The following MTA3 variants were observed in gnomAD, a reference collection of about 807,000 sequenced individuals.
MTA3 encodes metastasis-associated protein MTA3.
In MTA3, 34 loss-of-function variants were observed where a neutral mutation model predicts 83.5. The observed-to-expected ratio is 0.41, with a 90% CI of 0.31 to 0.54. The LOEUF is 0.54. Among genes scored for constraint, MTA3 ranks in the 20% least tolerant of loss-of-function variants. The pLI, the probability that MTA3 is intolerant of heterozygous loss-of-function variation, is 0.33. For synonymous variants in MTA3, 303 were observed against 252.7 expected, an observed-to-expected ratio of 1.20 and a Z score of -1.89; for missense variants, 761 against 726.4, an observed-to-expected ratio of 1.05 and a Z score of -0.55.
At chr2:42,669,365 G>A (rs1450315267) in intron 8 of MTA3, among the ~76,000 whole-genome samples, 1 of 152,052 alleles carries the variant, frequency 6.6e-6, no homozygotes, top group Admixed American at 6.6e-5. Flanking sequence ...GATTACAAGC[G>A]TGAGCCACTG....
chr2:42,552,341 A>T (rs1018514622), intron 2 of MTA3, among the ~76,000 whole-genome samples: 8 of 152,220 alleles, frequency 5.3e-5, no homozygotes, highest in African/African-American at 1.9e-4. Flanking sequence ...GCCCTTTCTT[A>T]GATAAATTAA....
chr2:42,532,048 G>A (rs542947499), intron 2 of MTA3, among the ~76,000 whole-genome samples: 25 of 152,284 alleles, frequency 1.6e-4, no homozygotes, highest in Non-Finnish European at 1.8e-4. Context: ...GAGCCACCAC[G>A]CCCGACCAAA....
At chr2:42,649,994 A>G (rs755118236) in intron 6 of MTA3, among the ~76,000 whole-genome samples, 7 of 151,830 alleles carry the variant, frequency 4.6e-5, no homozygotes, top group African/African-American at 1.7e-4. Context: ...CTGGTTACCA[A>G]CTCTCCTAGG....
At position 42,701,781 on chromosome 2, in the gene MTA3, T is replaced by TG. The variant is rs560917652; in HGVS notation, c.1026-2411dup. 1.9e-3 allele frequency among the ~76,000 whole-genome samples: 284 copies of TG among 150,356 alleles called. 2 individuals are homozygous for TG. The highest frequency in any genetic ancestry group is 6.6e-3 in the African/African-American group (269 of 40,748). On this transcript the variant is annotated intron_variant, in intron 11 of 16. Transcript: ENST00000405094. Reference sequence around the variant, plus strand: ...AAATACAAAAATTAGCTGGGTATGGTGGCGGGAGCCTGTACCAGCTACTTG... The same window carrying TG: ...AAATACAAAAATTAGCTGGGTATGGTGGGCGGGAGCCTGTACCAGCTACTTG...
At chr2:42,746,753 T>C (rs1456633297) in intron 16 of MTA3, among the ~76,000 whole-genome samples, 1 of 152,220 alleles carries the variant, frequency 6.6e-6, no homozygotes, top group African/African-American at 2.4e-5. Flanking sequence ...CAGAGATGCA[T>C]AGGGCGAGGC....
chr2:42,697,574 T>G (rs1040918034), intron 10 of MTA3, among the ~76,000 whole-genome samples: 1 of 152,220 alleles, frequency 6.6e-6, no homozygotes, highest in Non-Finnish European at 1.5e-5. Context: ...ATTGTATTAA[T>G]ACTTAAAGTT....
chr2:42,546,364 T>C (rs917464034), intron 2 of MTA3, among the ~76,000 whole-genome samples: 17 of 152,104 alleles, frequency 1.1e-4, no homozygotes, highest in Non-Finnish European at 1.9e-4. Context: ...GGTTCCAGAA[T>C]TAGGATGTCC....
intron 4 of MTA3, among the ~76,000 whole-genome samples, chr2:42,634,836 C>G (rs1687029200): frequency 6.6e-6 from 1 of 151,952 alleles, no homozygotes. Flanking sequence ...AGGAATTTAC[C>G]TTTACTTCTC....
chr2:42,589,280 C>T (rs1680692549), intron 3 of MTA3, among the ~76,000 whole-genome samples: 2 of 152,182 alleles, frequency 1.3e-5, no homozygotes. Context: ...ACTCTTAGAT[C>T]ATGTACATAC....
rs773785141 is a variant in MTA3 at position 42,551,064 on chromosome 2, TAAA to T, written c.-140-19372_-140-19370del. Among the ~76,000 whole-genome samples, 1,307 of 150,982 alleles carry T rather than the reference TAAA, an allele frequency of 8.7e-3. 17 individuals carry two copies. The highest frequency in any genetic ancestry group is 0.03 in the African/African-American group (1,223 of 41,256). ...GACTCTGACTAAATAAATAAATAAA[TAAA>T]TAAATAAATAAATAAATAAATTAAA... is the stretch of plus-strand genomic sequence containing the variant. On this transcript the variant is annotated intron_variant, in intron 2 of 17. Transcript: ENST00000405592.
At chr2:42,512,481 A>G (rs1468652872) in intron 2 of MTA3, among the ~76,000 whole-genome samples, 3 of 152,162 alleles carry the variant, frequency 2.0e-5, no homozygotes, top group African/African-American at 7.2e-5. Flanking sequence ...TCCAAGTAGG[A>G]TTTTTCCTTT....
intron 2 of MTA3, among the ~76,000 whole-genome samples, chr2:42,562,619 CA>C (rs1156925365): frequency 6.6e-6 from 1 of 152,178 alleles, no homozygotes. Flanking sequence ...TGCACATTTG[CA>C]CCTGGACTCT....
chr2:42,644,726 A>C (rs1558537326), intron 6 of MTA3, among the ~76,000 whole-genome samples: 1 of 152,120 alleles, frequency 6.6e-6, no homozygotes, highest in Non-Finnish European at 1.5e-5. Flanking sequence ...CATTATTATA[A>C]TATCTGTTAT....
chr2:42,716,360 A>C (rs2104527327), intron 14 of MTA3, among the ~76,000 whole-genome samples: 1 of 152,310 alleles, frequency 6.6e-6, no homozygotes, highest in South Asian at 2.1e-4. Context: ...TCAGGGGTAC[A>C]TGTGCAGGTT....
intron 14 of MTA3, among the ~76,000 whole-genome samples, chr2:42,711,771 G>GGA (rs111819056): frequency 1.1e-3 from 49 of 44,684 alleles, no homozygotes; most frequent in East Asian, 6.3e-3. Flanking sequence ...GGAGTGTATA[G>GGA]GAGAGAGAGA....
At chr2:42,504,252 G>T (rs1177957413) in intron 2 of MTA3, among the ~76,000 whole-genome samples, 7 of 149,370 alleles carry the variant, frequency 4.7e-5, no homozygotes, top group African/African-American at 1.2e-4. Flanking sequence ...ATTTTTTTTT[G>T]AGTCTATCAA....
intron 8 of MTA3, among the ~76,000 whole-genome samples, chr2:42,674,749 C>G (rs907472156): frequency 6.6e-6 from 1 of 151,714 alleles, no homozygotes; most frequent in Non-Finnish European, 1.5e-5. Context: ...CAGGCGCGTG[C>G]CACCATGCCC....
intron 16 of MTA3, among the ~76,000 whole-genome samples, chr2:42,747,095 G>A (rs1488175032): frequency 2.6e-5 from 4 of 151,710 alleles, no homozygotes; most frequent in South Asian, 4.2e-4. Flanking sequence ...TCTGTCTCCC[G>A]GGTTCGAGCG....
In MTA3 at chr2:42,579,140, T is replaced by C. The variant is rs1265626367; in HGVS notation, c.130T>C (p.Cys44Arg). ...TGGCAACGTGGAAGCAAAAGTAGTA[T>C]GCTTTTATAGACGACGTGATATTTC... ...ASGNVEAKVV[C>R]FYRRRDISNT... The change falls in exon 3 of 17, where the codon TGC becomes CGC. Residue 44 changes from cysteine to arginine, a missense_variant. Transcript: ENST00000405094. The C allele has an allele frequency of 6.2e-7, 1 of 1,609,178 alleles. No individual in the cohort carries two copies.
Sources: allele counts gnomAD v4.1 joint callset (sites outside exome capture counted in the v4.1 genomes callset), GRCh38; gene constraint gnomAD v4.1.1; transcripts MANE v1.5; gene names NCBI Gene and HGNC (gene_info 2026-07-23, HGNC 2026-07-21).